The following DCTN4 variants were observed in gnomAD, a reference collection of about 807,000 sequenced individuals.
The protein encoded by DCTN4 is dynactin 4 (p62).
In DCTN4, 23 loss-of-function variants were observed where a neutral mutation model predicts 62.7. That is an observed-to-expected ratio of 0.37 (90% CI 0.26 to 0.52). DCTN4 has a LOEUF of 0.52. Among genes scored for constraint, DCTN4 ranks in the 20% least tolerant of loss-of-function variants. The pLI is 0.92. For synonymous variants in DCTN4, 199 were observed against 202.1 expected (o/e 0.98, Z 0.13); for missense variants, 514 against 580.4 (o/e 0.89, Z 1.18).
At chr5:150,758,122 A>C in intron 1 of DCTN4, 1 of 985,546 alleles carries the variant, frequency 1.0e-6, no homozygotes, top group Non-Finnish European at 1.2e-6. Flanking sequence ...TCGCCTTTTA[A>C]TCCCTAAAGC....
rs72805995 is a variant in DCTN4, at chr5:150,735,605, G to C, written c.430-2130C>G. On this transcript the variant is annotated intron_variant, in intron 4 of 12. Transcript: ENST00000447998. The stretch of plus-strand genomic sequence containing the variant: ...CAGTCCAGCTCTCAGGAAGCCACAG[G>C]GGGAGAGCACCACATCAAGGAACAA... Among the ~76,000 whole-genome samples the C allele has an allele frequency of 8.2e-3, 1,241 of 152,248 alleles. 6 individuals are homozygous for C. The highest frequency in any genetic ancestry group is 0.013 in the Non-Finnish European group (886 of 68,000).
intron 3 of DCTN4, among the ~76,000 whole-genome samples, chr5:150,744,873 C>A (rs1167467346): frequency 6.6e-6 from 1 of 151,766 alleles, no homozygotes; most frequent in Non-Finnish European, 1.5e-5. Flanking sequence ...TAGGAAGAAA[C>A]TGCATCAACT....
At chr5:150,734,804 T>C (rs1378231869) in intron 4 of DCTN4, among the ~76,000 whole-genome samples, 3 of 152,170 alleles carry the variant, frequency 2.0e-5, no homozygotes, top group Non-Finnish European at 4.4e-5. Flanking sequence ...TGGTGGGGCA[T>C]GGTGGGAGTG....
In DCTN4 at chr5:150,756,506, G is replaced by GA. The variant is rs760891394; in HGVS notation, c.136-20dup. The GA allele has an allele frequency of 0.031, 40,318 of 1,300,214 alleles. 4 individuals carry two copies. The highest frequency in any genetic ancestry group is 0.044 in the South Asian group (2,854 of 64,634). The allele number at this position is 1,300,214 out of a possible 1,614,324, so 80.5% of individuals were successfully genotyped here. On this transcript the variant is annotated intron_variant, in intron 1 of 12. Transcript: ENST00000447998. ...AGTCCACCTAGGAGGAAACAAGAAA[G>GA]AAAAAAAAAACCAGAGGAGAACTCA...
rs1459085595 is a variant in DCTN4 at position 150,711,053 on chromosome 5, C to T, written c.*96G>A. 22 of 1,184,128 alleles carry T rather than the reference C, an allele frequency of 1.9e-5. No individual in the cohort carries two copies. Among genetic ancestry groups the T allele is most frequent in the South Asian group, 2.7e-5 (2 of 73,464 alleles). The allele number at this position is 1,184,128 out of a possible 1,614,324, so 73.4% of individuals were successfully genotyped here. ...AGAATTCCGTAGTGCATGGGTACAT[C>T]GTTATAAACAAGGCCTAATGAAGCA... On this transcript the variant is annotated 3_prime_UTR_variant, in exon 13 of 13. Coordinates refer to ENST00000447998, the MANE Select transcript of DCTN4 (RefSeq NM_016221.4).
intron 3 of DCTN4, among the ~76,000 whole-genome samples, chr5:150,747,829 T>G: frequency 4.7e-5 from 7 of 147,748 alleles, no homozygotes; most frequent in African/African-American, 1.8e-4. Context: ...CCTAAAACCA[T>G]AAAAACCCTA....
chr5:150,753,784 T>G, intron 2 of DCTN4, 127 bp from the exon 3 acceptor site: 1 of 925,868 alleles, frequency 1.1e-6, no homozygotes, highest in Non-Finnish European at 1.6e-6. Context: ...TTACCAACTT[T>G]GCTTTAACAG....
intron 8 of DCTN4, among the ~76,000 whole-genome samples, chr5:150,723,374 G>T (rs1307977377): frequency 6.6e-6 from 1 of 152,214 alleles, no homozygotes; most frequent in East Asian, 1.9e-4. Flanking sequence ...TACAGGAAGG[G>T]TAAGTAACCT....
chr5:150,728,252 CTT>C (rs1279571272), intron 8 of DCTN4, among the ~76,000 whole-genome samples: 2 of 152,096 alleles, frequency 1.3e-5, no homozygotes, highest in African/African-American at 4.8e-5. Flanking sequence ...TTAATAAAAA[CTT>C]TCTTTTAACT....
rs1581570809 is a variant in DCTN4 at position 150,722,954 on chromosome 5, T to C, written c.861A>G (p.Pro287=). The C allele has an allele frequency of 6.2e-7, 1 of 1,612,864 alleles. No individual in the cohort carries two copies. Among genetic ancestry groups the C allele is most frequent in the African/African-American group, 1.3e-5 (1 of 74,886 alleles). ...CRKCEHNLSK[P]EFNPTSIKFK... is the part of the protein sequence containing the mutation. The stretch of plus-strand genomic sequence containing the variant: ...ATTTGATTGACGTTGGGTTAAATTC[T>C]GGCTTGCTCAAATTATGTTCACATT... The change falls in exon 9 of 13, where the codon CCA becomes CCG. Residue 287 remains proline, a synonymous_variant. Transcript: ENST00000447998.
intron 3 of DCTN4, among the ~76,000 whole-genome samples, chr5:150,745,031 G>A (rs1358517000): frequency 1.3e-5 from 2 of 150,672 alleles, no homozygotes; most frequent in African/African-American, 2.5e-5. Context: ...TCAGTGTGCT[G>A]TATTCAGGAA....
intron 8 of DCTN4, among the ~76,000 whole-genome samples, chr5:150,726,971 A>G (rs1388280579): frequency 6.6e-6 from 1 of 152,154 alleles, no homozygotes; most frequent in Non-Finnish European, 1.5e-5. Context: ...TGTCATTTGA[A>G]ATTATGCAAA....
intron 3 of DCTN4, among the ~76,000 whole-genome samples, chr5:150,744,663 A>G (rs1022543113): frequency 2.3e-4 from 35 of 151,868 alleles, no homozygotes; most frequent in African/African-American, 8.2e-4. Context: ...AGAATTTTCA[A>G]CCCAGAATTT....
At chr5:150,746,562 CAGCAGCACATCAAAA>C (rs1226915082) in intron 3 of DCTN4, among the ~76,000 whole-genome samples, 2 of 152,154 alleles carry the variant, frequency 1.3e-5, no homozygotes, top group African/African-American at 4.8e-5. Context: ...AAACCGAATG[CAGCAGCACATCAAAA>C]AGCTTATCCA....
chr5:150,710,940 T>C lies in DCTN4; in HGVS notation c.*209A>G. 1.7e-6 allele frequency: 1 copy of C among 576,362 alleles called. No homozygotes were observed. The highest frequency in any genetic ancestry group is 3.1e-6 in the Non-Finnish European group (1 of 322,124). The allele number at this position is 576,362 out of a possible 1,614,324, so 35.7% of individuals were successfully genotyped here. ...GGGTTCAGTGAGGGAGACACAGACT[T>C]ACTGGTGTCAACAGGGGTGAGAGCA... On this transcript the variant is annotated 3_prime_UTR_variant, in exon 13 of 13. Coordinates refer to ENST00000447998, the MANE Select transcript of DCTN4 (RefSeq NM_016221.4).
chr5:150,753,505 T>A lies in DCTN4; in HGVS notation c.359A>T (p.Asp120Val), dbSNP rs777727674. ...TACAGATTTGTCTGCCATGCCCACA[T>A]CTCTAGACGTCCAGCGACAAAATCC... ...ACGFCRWTSR[D>V]VGMADKSVAS... The change falls in exon 3 of 13, where the codon GAT (aspartate) becomes GTT (valine). Residue 120 changes from aspartate (D) to valine (V), a missense_variant. Coordinates refer to ENST00000447998, the MANE Select transcript of DCTN4 (RefSeq NM_016221.4). 2.1e-5 allele frequency: 34 copies of A among 1,614,032 alleles called. No individual in the cohort carries two copies. In the East Asian group the frequency reaches 6.5e-4, roughly 31 times the overall value.
chr5:150,758,837 C>T (rs997521927), intron 1 of DCTN4, 22 bp downstream of exon 1: 4 of 1,612,048 alleles, frequency 2.5e-6, no homozygotes, highest in African/African-American at 2.7e-5. Flanking sequence ...CCCACATACT[C>T]GCTATAGGGC....
At chr5:150,736,612 C>G (rs1230116393) in intron 4 of DCTN4, among the ~76,000 whole-genome samples, 1 of 152,084 alleles carries the variant, frequency 6.6e-6, no homozygotes, top group Non-Finnish European at 1.5e-5. Flanking sequence ...CAAAGGAGTT[C>G]TAAATCCTGA....
intron 12 of DCTN4, among the ~76,000 whole-genome samples, chr5:150,713,663 C>G (rs897715043): frequency 6.6e-6 from 1 of 151,162 alleles, no homozygotes; most frequent in African/African-American, 2.4e-5. Context: ...AGGCTGGTCT[C>G]AAACTCCTGA....
Sources: allele counts gnomAD v4.1 joint callset (sites outside exome capture counted in the v4.1 genomes callset), GRCh38; gene constraint gnomAD v4.1.1; transcripts MANE v1.5; gene names NCBI Gene and HGNC (gene_info 2026-07-23, HGNC 2026-07-21).